The following FBXL17 variants were observed in gnomAD, a reference collection of about 807,000 sequenced individuals.
FBXL17 encodes F-box/LRR-repeat protein 17.
Under a neutral mutation model 66.2 loss-of-function variants are expected in FBXL17, and 22 were observed. The ratio of observed to expected loss-of-function variants is 0.33; its 90% CI spans 0.24 to 0.47. The LOEUF is 0.47. Among genes scored for constraint, FBXL17 ranks in the 20% least tolerant of loss-of-function variants. FBXL17 has a pLI of 1.00. For missense variants in FBXL17, 878 were observed against 948.2 expected (o/e 0.93, Z 0.97); for synonymous variants, 474 against 400.5 (o/e 1.18, Z -2.19).
intron 6 of FBXL17, among the ~76,000 whole-genome samples, chr5:108,075,053 A>C (rs1748489603): frequency 6.6e-6 from 1 of 152,110 alleles, no homozygotes; most frequent in Non-Finnish European, 1.5e-5. Flanking sequence ...GTAAAAGTGA[A>C]ATTCTTTATT....
Position 107,861,384 on chromosome 5 carries a change from A to C in FBXL17, c.*336T>G, listed in dbSNP as rs1010466433. ...AAGGCCTTCTTACTTGGACATCTCC[A>C]AGTGGCAGCAATTAGAAGCTCAAAA... On this transcript the variant is annotated 3_prime_UTR_variant, in exon 9 of 9. Transcript: ENST00000542267. The C allele has an allele frequency of 6.2e-6, 1 of 161,108 alleles. No homozygotes were observed. The highest frequency in any genetic ancestry group is 2.0e-4 in the South Asian group (1 of 4,908). 10.0% of individuals were successfully genotyped at this position (161,108 alleles called of 1,614,324 possible).
intron 6 of FBXL17, among the ~76,000 whole-genome samples, chr5:108,098,801 T>C (rs145932828): frequency 1.6e-3 from 245 of 150,504 alleles, no homozygotes; most frequent in Middle Eastern, 3.4e-3. Context: ...CTTTCCAAGC[T>C]GAAAAAAAAT....
chr5:107,984,043 T>A (rs1426158837), intron 7 of FBXL17, among the ~76,000 whole-genome samples: 2 of 152,170 alleles, frequency 1.3e-5, no homozygotes, highest in African/African-American at 4.8e-5. Context: ...TCTTCTTGTA[T>A]CTGTAAATTC....
At chr5:107,871,072 A>C (rs955188646) in intron 8 of FBXL17, among the ~76,000 whole-genome samples, 1 of 150,844 alleles carries the variant, frequency 6.6e-6, no homozygotes, top group Non-Finnish European at 1.5e-5. Flanking sequence ...AAAAAAAAAA[A>C]AAAAAAACCT....
At chr5:107,922,494 A>C (rs1750357802) in intron 7 of FBXL17, among the ~76,000 whole-genome samples, 1 of 151,538 alleles carries the variant, frequency 6.6e-6, no homozygotes, top group African/African-American at 2.4e-5. Context: ...AGGTTAAAAA[A>C]CCCTCCATGG....
chr5:108,127,560 T>G (rs555022214), intron 6 of FBXL17, among the ~76,000 whole-genome samples: 1 of 152,100 alleles, frequency 6.6e-6, no homozygotes, highest in Admixed American at 6.6e-5. Context: ...ATGCTTATAT[T>G]AAAAAGATGA....
chr5:107,954,922 G>A (rs1751612747), intron 7 of FBXL17, among the ~76,000 whole-genome samples: 1 of 152,066 alleles, frequency 6.6e-6, no homozygotes, highest in African/African-American at 2.4e-5. Flanking sequence ...TGCTCATAAA[G>A]CCAGAGATTT....
chr5:108,171,031 G>C (rs1016346), intron 6 of FBXL17, among the ~76,000 whole-genome samples: 8 of 151,924 alleles, frequency 5.3e-5, no homozygotes, highest in Non-Finnish European at 8.8e-5. Flanking sequence ...TAAAGTCAAG[G>C]GCTTATATTT....
intron 4 of FBXL17, among the ~76,000 whole-genome samples, chr5:108,256,777 T>C (rs1030243632): frequency 6.6e-6 from 1 of 152,092 alleles, no homozygotes; most frequent in Non-Finnish European, 1.5e-5. Flanking sequence ...ATTATTCCTA[T>C]TATACTATTC....
At chr5:108,304,071 C>T (rs2941693) in intron 4 of FBXL17, among the ~76,000 whole-genome samples, 22,238 of 151,808 alleles carry the variant, frequency 0.15, 1,928 homozygotes, top group South Asian at 0.33. Context: ...CCTTTCACAG[C>T]CCAAAGACAT....
intron 6 of FBXL17, among the ~76,000 whole-genome samples, chr5:108,057,944 C>T (rs1048277321): frequency 3.9e-5 from 6 of 152,128 alleles, no homozygotes; most frequent in African/African-American, 1.2e-4. Flanking sequence ...GTGGTTTTAT[C>T]TTCATTTGAC....
At chr5:108,378,350 T>G (rs1303718720) in intron 1 of FBXL17, among the ~76,000 whole-genome samples, 1 of 152,204 alleles carries the variant, frequency 6.6e-6, no homozygotes, top group African/African-American at 2.4e-5. Flanking sequence ...TGTTTTGTTT[T>G]GTTTTGTTTT....
In FBXL17 at chr5:108,222,672, C is replaced by CTTTT. The variant is rs34291617; in HGVS notation, c.1614+1445_1614+1448dup. ...TCTAGCAATTTAGATACTATGGCAT[C>CTTTT]TTTTTTTTTTTTTTTTTTTTGAGAC... is the stretch of plus-strand genomic sequence containing the variant. On this transcript the variant is annotated intron_variant, in intron 5 of 8. Transcript: ENST00000542267. 2.1e-4 allele frequency among the ~76,000 whole-genome samples: 25 copies of CTTTT among 117,376 alleles called. 1 individual carries two copies. Among genetic ancestry groups the CTTTT allele is most frequent in the Middle Eastern group, 4.6e-3 (1 of 218 alleles). 77.0% of individuals were successfully genotyped at this position (117,376 alleles called of 152,430 possible). A position where few individuals can be genotyped will look rare whatever the true frequency, so the allele number is the denominator to read the frequency against.
chr5:108,161,985 A>C (rs969436607), intron 6 of FBXL17, among the ~76,000 whole-genome samples: 3 of 152,260 alleles, frequency 2.0e-5, no homozygotes, highest in Non-Finnish European at 2.9e-5. Flanking sequence ...GTTTCAGAGC[A>C]TGCTCAGCAG....
intron 7 of FBXL17, among the ~76,000 whole-genome samples, chr5:107,916,273 GC>G (rs1295958230): frequency 6.6e-5 from 10 of 152,182 alleles, no homozygotes; most frequent in Admixed American, 2.0e-4. Flanking sequence ...TTAAGGTCAT[GC>G]TTTTAAAGTC....
At chr5:108,299,870 A>C in intron 4 of FBXL17, 1 of 975,348 alleles carries the variant, frequency 1.0e-6, no homozygotes, top group Non-Finnish European at 1.2e-6. Flanking sequence ...TGGAAAAATC[A>C]TTAGATATTT....
intron 6 of FBXL17, among the ~76,000 whole-genome samples, chr5:108,120,785 A>C (rs531659724): frequency 2.6e-5 from 4 of 152,294 alleles, no homozygotes; most frequent in African/African-American, 9.6e-5. Flanking sequence ...GACAGCTAGG[A>C]GGCAGAGCAA....
chr5:108,190,563 A>G (rs550726034), intron 5 of FBXL17, among the ~76,000 whole-genome samples: 1 of 152,308 alleles, frequency 6.6e-6, no homozygotes, highest in South Asian at 2.1e-4. Context: ...GCTTCCATAT[A>G]TATCTTAACA....
At chr5:108,008,176 TG>T (rs1180299036) in intron 7 of FBXL17, among the ~76,000 whole-genome samples, 2 of 152,232 alleles carry the variant, frequency 1.3e-5, no homozygotes, top group Admixed American at 6.5e-5. Flanking sequence ...AGAAATCATG[TG>T]CAAATATCAA....
Sources: gnomAD v4.1 joint callset for allele counts (sites outside exome capture counted in the v4.1 genomes callset) on GRCh38, gnomAD v4.1.1 for gene constraint, MANE v1.5 for transcripts, NCBI Gene and HGNC (gene_info 2026-07-23, HGNC 2026-07-21) for gene names.